Variants in GAS1 observed in about 807,000 individuals in gnomAD.
GAS1 encodes growth arrest specific 1.
A neutral mutation model predicts 21.6 loss-of-function variants in GAS1; 10 were observed. The ratio of observed to expected loss-of-function variants is 0.46; its 90% CI spans 0.29 to 0.79. The LOEUF (loss-of-function observed/expected upper bound fraction) is 0.79. GAS1 is among the 30% of genes least tolerant of loss of function. The pLI is 0.10. For synonymous variants in GAS1, 332 were observed against 264.0 expected, an observed-to-expected ratio of 1.26 and a Z score of -2.50; for missense variants, 567 against 544.3, an observed-to-expected ratio of 1.04 and a Z score of -0.42.
In GAS1 at chr9:86,945,588, C is replaced by G. The variant is rs1342486215; in HGVS notation, c.*154G>C. 1 of 670,290 alleles carries G rather than the reference C, an allele frequency of 1.5e-6. No homozygotes were observed. The highest frequency in any genetic ancestry group is 1.9e-5 in the African/African-American group (1 of 52,144). 41.5% of individuals were successfully genotyped at this position (670,290 alleles called of 1,614,324 possible). ...AGTGCCCAGAGTCGTGGCCGGGGAACCGGCTACACCAAGTTGACTTGGAAA... is the reference window on the plus strand; with the variant it reads ...AGTGCCCAGAGTCGTGGCCGGGGAAGCGGCTACACCAAGTTGACTTGGAAA... On this transcript the variant is annotated 3_prime_UTR_variant, in exon 1 of 1. Transcript: ENST00000298743.
chr9:86,945,672 G>A lies in GAS1; in HGVS notation c.*70C>T. 2 of 1,409,906 alleles carry A rather than the reference G, an allele frequency of 1.4e-6. No individual in the cohort carries two copies. The highest frequency in any genetic ancestry group is 9.4e-7 in the Non-Finnish European group (1 of 1,068,764). The allele number at this position is 1,409,906 out of a possible 1,614,324, so 87.3% of individuals were successfully genotyped here. A position where few individuals can be genotyped will look rare whatever the true frequency, so the allele number is the denominator to read the frequency against. On this transcript the variant is annotated 3_prime_UTR_variant, in exon 1 of 1. Transcript: ENST00000298743. ...ATCTGTCCCAAGCCACAGGTGCCCG[G>A]CGCGGGGTCGAGGCGAGCACGGGAG...
At position 86,947,504 on chromosome 9, in the gene GAS1, G is replaced by A. The variant is rs1218419035; in HGVS notation, c.-725C>T. Among the ~76,000 whole-genome samples, 1 of 152,182 alleles carries A rather than the reference G, an allele frequency of 6.6e-6. No individual in the cohort carries two copies. Among genetic ancestry groups the A allele is most frequent in the Non-Finnish European group, 1.5e-5 (1 of 68,034 alleles). ...CCGGGGAGCGGATCCGCTGAGCCCG[G>A]CTGCAGACTCGTTAGCAGCGAGGCT... On this transcript the variant is annotated 5_prime_UTR_variant, in exon 1 of 1. Coordinates refer to ENST00000298743, the MANE Select transcript of GAS1 (RefSeq NM_002048.3).
rs1418749353 is a variant in GAS1, at chr9:86,946,601, T to A, written c.179A>T (p.Glu60Val). 4.1e-6 allele frequency: 6 copies of A among 1,449,018 alleles called. No homozygotes were observed. Among genetic ancestry groups the A allele is most frequent in the South Asian group, 2.6e-5 (2 of 75,906 alleles). 89.8% of individuals were successfully genotyped at this position (1,449,018 alleles called of 1,614,324 possible). The change falls in exon 1 of 1, where the codon GAG becomes GTG. Residue 60 changes from glutamate (E) to valine (V), a missense_variant. Physicochemically the swap from Glu to Val is moderately radical, Grantham distance 121 (BLOSUM62 -2). Transcript: ENST00000298743. This position sits in a 1 kb window ranked among gnomAD's most constrained non-coding sequence, Gnocchi z 5.2. ...QALLQCQGEP[E>V]CSYAYNQYAE... is the part of the protein sequence containing the mutation. ...GTACTGGTTGTAGGCGTAGCTGCAC[T>A]CCGGCTCCCCCTGGCACTGCAGCAG...
chr9:86,946,474 G>A lies in GAS1; in HGVS notation c.306C>T (p.Arg102=). Residue 102 remains arginine, a synonymous_variant, in exon 1 of 1, where the codon CGC becomes CGT. Coordinates refer to ENST00000298743, the MANE Select transcript of GAS1 (RefSeq NM_002048.3). The surrounding 1 kb of genome is among the most constrained non-coding windows in gnomAD (Gnocchi z 5.2). The part of the protein sequence containing the change: ...FPASAASFSS[R]WRCPSHCISA... ...AGATGCAGTGACTCGGGCAGCGCCA[G>A]CGCGACGAGAAAGAGGCGGCCGAGG... The A allele has an allele frequency of 2.7e-6, 4 of 1,467,170 alleles. No individual in the cohort carries two copies. Among genetic ancestry groups the A allele is most frequent in the Non-Finnish European group, 3.6e-6 (4 of 1,112,478 alleles). The allele number at this position is 1,467,170 out of a possible 1,614,324, so 90.9% of individuals were successfully genotyped here.
At position 86,944,608 on chromosome 9, in the gene GAS1, T is replaced by C. The variant is rs1056636083; in HGVS notation, c.*1134A>G. The stretch of plus-strand genomic sequence containing the variant: ...GTACATTTTAAGACTGTTCTAAATA[T>C]AGCACACTTCACAATGGACTGTGGG... On this transcript the variant is annotated 3_prime_UTR_variant, in exon 1 of 1. Transcript: ENST00000298743. The C allele has an allele frequency of 1.3e-5, 2 of 152,176 alleles. No homozygotes were observed. The highest frequency in any genetic ancestry group is 1.9e-4 in the East Asian group (1 of 5,198). The allele number at this position is 152,176 out of a possible 1,614,324, so 9.4% of individuals were successfully genotyped here.
Position 86,945,851 on chromosome 9 carries a change from G to C in GAS1, c.929C>G (p.Pro310Arg). The C allele has an allele frequency of 6.7e-7, 1 of 1,490,124 alleles. No homozygotes were observed. The highest frequency in any genetic ancestry group is 8.9e-7 in the Non-Finnish European group (1 of 1,126,110). 92.3% of individuals were successfully genotyped at this position (1,490,124 alleles called of 1,614,324 possible). Residue 310 changes from proline to arginine, a missense_variant, in exon 1 of 1, where the codon CCC (proline) becomes CGC (arginine). Pro to Arg is a moderately radical substitution (Grantham distance 103, BLOSUM62 -2). Transcript: ENST00000298743. Reference sequence around the variant, plus strand: ...GCTGCTCCTGCGCCCAGGCCCATAGGGCAGGTCCCCGCGGCCGCCCGATGC... The same window carrying C: ...GCTGCTCCTGCGCCCAGGCCCATAGCGCAGGTCCCCGCGGCCGCCCGATGC... ...AAASGGRGDL[P>R]YGPGRRSSGG...
rs149438850 is a variant in GAS1 at position 86,944,717 on chromosome 9, C to G, written c.*1025G>C. Reference sequence around the variant, plus strand: ...GATGTGAGTTTAAAACTTTTAATTTCTTTTTAAAAATAAATTATTTCTGAA... The same window carrying G: ...GATGTGAGTTTAAAACTTTTAATTTGTTTTTAAAAATAAATTATTTCTGAA... On this transcript the variant is annotated 3_prime_UTR_variant, in exon 1 of 1. Coordinates refer to ENST00000298743, the MANE Select transcript of GAS1 (RefSeq NM_002048.3). 6.6e-6 allele frequency: 1 copy of G among 152,142 alleles called. No individual in the cohort carries two copies. The highest frequency in any genetic ancestry group is 1.9e-4 in the East Asian group (1 of 5,174). 9.4% of individuals were successfully genotyped at this position (152,142 alleles called of 1,614,324 possible).
Position 86,946,789 on chromosome 9 carries a change from C to T in GAS1, c.-10G>A. ...GCAGCGCGGCCACCATCGCGGGCAG[C>T]GGCGGCCGCCGGGAGAGGAGGGGAA... On this transcript the variant is annotated 5_prime_UTR_variant, in exon 1 of 1. Transcript: ENST00000298743. The surrounding 1 kb of genome is among the most constrained non-coding windows in gnomAD (Gnocchi z 5.2). 4.8e-6 allele frequency: 4 copies of T among 833,476 alleles called. No individual in the cohort carries two copies. The highest frequency in any genetic ancestry group is 5.0e-6 in the Non-Finnish European group (3 of 595,856). The allele number at this position is 833,476 out of a possible 1,614,324, so 51.6% of individuals were successfully genotyped here.
rs1229661103 is a variant in GAS1, at chr9:86,945,939, C to T, written c.841G>A (p.Glu281Lys). Residue 281 changes from glutamate (E) to lysine (K), a missense_variant, in exon 1 of 1, where the codon GAG (glutamate) becomes AAG (lysine). Physicochemically the swap from Glu to Lys is moderately conservative, Grantham distance 56. Transcript: ENST00000298743. ...DEQRTGGAGG[E>K]QPLDDDDGVP... ...CCGTCGTCGTCGTCCAGCGGCTGCT[C>T]ACCACCCGCGCCCCCGGTGCGCTGC... 4 of 1,590,792 alleles carry T rather than the reference C, an allele frequency of 2.5e-6. No homozygotes were observed. The highest frequency in any genetic ancestry group is 3.4e-6 in the Non-Finnish European group (4 of 1,171,676).
In GAS1 at chr9:86,945,727, C is replaced by T. The variant is rs1825473386; in HGVS notation, c.*15G>A. The T allele has an allele frequency of 2.1e-6, 3 of 1,423,960 alleles. No individual in the cohort carries two copies. Among genetic ancestry groups the T allele is most frequent in the Non-Finnish European group, 2.8e-6 (3 of 1,073,208 alleles). 88.2% of individuals were successfully genotyped at this position (1,423,960 alleles called of 1,614,324 possible). On this transcript the variant is annotated 3_prime_UTR_variant, in exon 1 of 1. Transcript: ENST00000298743. ...ACGCGGGCTCTCCCGCAGCCAACGG[C>T]GGGGGGCGCGAGGGCTAAAAGAGCG... is the stretch of plus-strand genomic sequence containing the variant.
Position 86,946,312 on chromosome 9 carries a change from G to C in GAS1, c.468C>G (p.Gly156=), listed in dbSNP as rs1467644662. The C allele has an allele frequency of 7.1e-7, 1 of 1,404,006 alleles. No individual in the cohort carries two copies. Among genetic ancestry groups the C allele is most frequent in the Non-Finnish European group, 9.2e-7 (1 of 1,082,582 alleles). The allele number at this position is 1,404,006 out of a possible 1,614,324, so 87.0% of individuals were successfully genotyped here. Residue 156 remains glycine, a synonymous_variant, in exon 1 of 1, where the codon GGC becomes GGG. Coordinates refer to ENST00000298743, the MANE Select transcript of GAS1 (RefSeq NM_002048.3). This position sits in a 1 kb window ranked among gnomAD's most constrained non-coding sequence, Gnocchi z 5.2. ...CCATGACCCCGCCCGCGCCGGGGCCGCCCGCGCCGCCGCCGCTCGTCCGGG... is the reference window on the plus strand; with the variant it reads ...CCATGACCCCGCCCGCGCCGGGGCCCCCCGCGCCGCCGCCGCTCGTCCGGG... ...CLPRTSGGGA[G]GPGAGGVMGC... is the part of the protein sequence containing the mutation.
chr9:86,945,715 C>A lies in GAS1; in HGVS notation c.*27G>T. The A allele has an allele frequency of 6.6e-7, 1 of 1,518,796 alleles. No homozygotes were observed. The highest frequency in any genetic ancestry group is 2.0e-5 in the Admixed American group (1 of 48,980). The allele number at this position is 1,518,796 out of a possible 1,614,324, so 94.1% of individuals were successfully genotyped here. On this transcript the variant is annotated 3_prime_UTR_variant, in exon 1 of 1. Transcript: ENST00000298743. ...CACGGGAGTGGGACGCGGGCTCTCCCGCAGCCAACGGCGGGGGGCGCGAGG... is the reference window on the plus strand; with the variant it reads ...CACGGGAGTGGGACGCGGGCTCTCCAGCAGCCAACGGCGGGGGGCGCGAGG...
chr9:86,946,237 C>A lies in GAS1; in HGVS notation c.543G>T (p.Leu181=). 1 of 1,589,242 alleles carries A rather than the reference C, an allele frequency of 6.3e-7. No individual in the cohort carries two copies. Among genetic ancestry groups the A allele is most frequent in the East Asian group, 2.3e-5 (1 of 44,176 alleles). ...AGTAGGTCAGGTAGCGGCTCAGCGCCAGGTTGCAGCGGCTGTCGCGGTCGC... is the reference window on the plus strand; with the variant it reads ...AGTAGGTCAGGTAGCGGCTCAGCGCAAGGTTGCAGCGGCTGTCGCGGTCGC... ...RRCDRDSRCN[L]ALSRYLTYCG... Residue 181 remains leucine, a synonymous_variant, in exon 1 of 1, where the codon CTG becomes CTT. Coordinates refer to ENST00000298743, the MANE Select transcript of GAS1 (RefSeq NM_002048.3). The surrounding 1 kb of genome is among the most constrained non-coding windows in gnomAD (Gnocchi z 5.2).
chr9:86,945,542 C>T lies in GAS1; in HGVS notation c.*200G>A. The T allele has an allele frequency of 2.2e-6, 1 of 450,560 alleles. No individual in the cohort carries two copies. The highest frequency in any genetic ancestry group is 3.8e-6 in the Non-Finnish European group (1 of 266,292). 27.9% of individuals were successfully genotyped at this position (450,560 alleles called of 1,614,324 possible). A position where few individuals can be genotyped will look rare whatever the true frequency, so the allele number is the denominator to read the frequency against. On this transcript the variant is annotated 3_prime_UTR_variant, in exon 1 of 1. Transcript: ENST00000298743. Reference sequence around the variant, plus strand: ...GGGAGGAGGTCCAAGAAGTCAAGCTCCGGAGAGGAGCTTCAGGGGAAGTGC... The same window carrying T: ...GGGAGGAGGTCCAAGAAGTCAAGCTTCGGAGAGGAGCTTCAGGGGAAGTGC...
chr9:86,946,024 G>C lies in GAS1; in HGVS notation c.756C>G (p.Pro252=), dbSNP rs755237400. 66 of 1,608,082 alleles carry C rather than the reference G, an allele frequency of 4.1e-5. No homozygotes were observed. The highest frequency in any genetic ancestry group is 5.5e-5 in the Non-Finnish European group (65 of 1,179,426). Residue 252 remains proline (P), a synonymous_variant, in exon 1 of 1, where the codon CCC becomes CCG. Coordinates refer to ENST00000298743, the MANE Select transcript of GAS1 (RefSeq NM_002048.3). The surrounding 1 kb of genome is among the most constrained non-coding windows in gnomAD (Gnocchi z 5.2). The part of the protein sequence containing the change: ...LCFGAELGNG[P]GSSGSDGGLD... ...GGCCCCCGTCCGAGCCGCTGCTGCCGGGGCCGTTGCCCAGCTCGGCGCCGA... is the reference window on the plus strand; with the variant it reads ...GGCCCCCGTCCGAGCCGCTGCTGCCCGGGCCGTTGCCCAGCTCGGCGCCGA...
chr9:86,945,715 C>CG lies in GAS1; in HGVS notation c.*26dup. On this transcript the variant is annotated 3_prime_UTR_variant, in exon 1 of 1. Coordinates refer to ENST00000298743, the MANE Select transcript of GAS1 (RefSeq NM_002048.3). Reference sequence around the variant, plus strand: ...CACGGGAGTGGGACGCGGGCTCTCCCGCAGCCAACGGCGGGGGGCGCGAGG... The same window carrying CG: ...CACGGGAGTGGGACGCGGGCTCTCCCGGCAGCCAACGGCGGGGGGCGCGAGG... 1 of 1,518,800 alleles carries CG rather than the reference C, an allele frequency of 6.6e-7. No homozygotes were observed. The allele number at this position is 1,518,800 out of a possible 1,614,324, so 94.1% of individuals were successfully genotyped here.
rs1414881980 is a variant in GAS1, at chr9:86,944,962, G to A, written c.*780C>T. 1 of 152,144 alleles carries A rather than the reference G, an allele frequency of 6.6e-6. No homozygotes were observed. Among genetic ancestry groups the A allele is most frequent in the Non-Finnish European group, 1.5e-5 (1 of 68,034 alleles). The allele number at this position is 152,144 out of a possible 1,614,324, so 9.4% of individuals were successfully genotyped here. The stretch of plus-strand genomic sequence containing the variant: ...AGAGACTTTCATACATGGCAGTGCA[G>A]AGCTTTTTTAAATAAAAAGTTGCAT... On this transcript the variant is annotated 3_prime_UTR_variant, in exon 1 of 1. Transcript: ENST00000298743.
At position 86,945,885 on chromosome 9, in the gene GAS1, C is replaced by A. The variant is rs1378388213; in HGVS notation, c.895G>T (p.Gly299Cys). The A allele has an allele frequency of 1.3e-5, 19 of 1,508,310 alleles. No individual in the cohort carries two copies. The Admixed American group carries it at 1.3e-4, about 10-fold the overall frequency. The allele number at this position is 1,508,310 out of a possible 1,614,324, so 93.4% of individuals were successfully genotyped here. A position where few individuals can be genotyped will look rare whatever the true frequency, so the allele number is the denominator to read the frequency against. Reference protein sequence around the residue: ...GVPHPPRPGSGAAASGGRGDL... With the variant: ...GVPHPPRPGSCAAASGGRGDL... ...CCGCGGCCGCCCGATGCAGCAGCGCCGCTGCCCGGGCGCGGTGGGTGCGGG... is the reference window on the plus strand; with the variant it reads ...CCGCGGCCGCCCGATGCAGCAGCGCAGCTGCCCGGGCGCGGTGGGTGCGGG... Residue 299 changes from glycine to cysteine, a missense_variant, in exon 1 of 1, where the codon GGC (glycine) becomes TGC (cysteine). Transcript: ENST00000298743.
Position 86,945,883 on chromosome 9 carries a change from G to C in GAS1, c.897C>G (p.Gly299=). 1 of 1,502,708 alleles carries C rather than the reference G, an allele frequency of 6.7e-7. No individual in the cohort carries two copies. Among genetic ancestry groups the C allele is most frequent in the Admixed American group, 2.2e-5 (1 of 45,138 alleles). The allele number at this position is 1,502,708 out of a possible 1,614,324, so 93.1% of individuals were successfully genotyped here. A position where few individuals can be genotyped will look rare whatever the true frequency, so the allele number is the denominator to read the frequency against. ...GVPHPPRPGS[G]AAASGGRGDL... ...CCCCGCGGCCGCCCGATGCAGCAGC[G>C]CCGCTGCCCGGGCGCGGTGGGTGCG... The change falls in exon 1 of 1, where the codon GGC becomes GGG. Residue 299 remains glycine (G), a synonymous_variant. Coordinates refer to ENST00000298743, the MANE Select transcript of GAS1 (RefSeq NM_002048.3).
Sources: gnomAD v4.1 joint callset for allele counts (sites outside exome capture counted in the v4.1 genomes callset) on GRCh38, gnomAD v4.1.1 for gene constraint, Gnocchi (gnomAD v3.1) non-coding constraint, MANE v1.5 for transcripts, NCBI Gene and HGNC (gene_info 2026-07-23, HGNC 2026-07-21) for gene names.